NRXN3: variants seen among roughly 807,000 people sequenced by gnomAD.
The protein encoded by NRXN3 is neurexin III.
NRXN3 carries 32 observed loss-of-function variants against 137.6 expected under a neutral mutation model. The observed-to-expected ratio is 0.23, with a 90% CI of 0.18 to 0.31. NRXN3 has a LOEUF of 0.31. NRXN3 is among the 10% of genes least tolerant of loss of function. The probability of loss-of-function intolerance (pLI) is 1.00; values close to 1 mark genes in which losing one functional copy is unlikely to be tolerated. For synonymous variants in NRXN3, 798 were observed against 784.5 expected (o/e 1.02, Z -0.29); for missense variants, 1,574 against 2,062.5 (o/e 0.76, Z 4.59).
intron 4 of NRXN3, among the ~76,000 whole-genome samples, chr14:78,355,055 A>C (rs1028009161): frequency 7.9e-5 from 12 of 152,082 alleles, no homozygotes; most frequent in Non-Finnish European, 1.6e-4. Flanking sequence ...AACCCTCCCC[A>C]CCTTTTGAAA....
intron 4 of NRXN3, among the ~76,000 whole-genome samples, chr14:78,307,028 A>C (rs1261952013): frequency 1.3e-5 from 2 of 152,178 alleles, no homozygotes; most frequent in African/African-American, 4.8e-5. Flanking sequence ...ATTGTTAGGT[A>C]ATCATTTAGT....
intron 8 of NRXN3, among the ~76,000 whole-genome samples, chr14:78,795,352 T>C (rs1417291356): frequency 2.0e-5 from 3 of 152,210 alleles, no homozygotes; most frequent in Non-Finnish European, 4.4e-5. Context: ...ATTGTAAGTA[T>C]TATTATATTG....
At chr14:78,367,655 G>C (rs1432552281) in intron 4 of NRXN3, among the ~76,000 whole-genome samples, 1 of 152,176 alleles carries the variant, frequency 6.6e-6, no homozygotes, top group African/African-American at 2.4e-5. Context: ...CTTTGGGAAG[G>C]ACTTTTTGGG....
intron 11 of NRXN3, among the ~76,000 whole-genome samples, chr14:78,965,470 C>T (rs1268931782): frequency 6.6e-6 from 1 of 151,958 alleles, no homozygotes; most frequent in Non-Finnish European, 1.5e-5. Flanking sequence ...TTTATCCAGT[C>T]CAGGTGGTTG....
At chr14:78,602,618 C>T (rs1372058304) in intron 4 of NRXN3, 1 of 152,234 alleles carries the variant, frequency 6.6e-6, no homozygotes, top group African/African-American at 2.4e-5. Flanking sequence ...TCCAGTCCCG[C>T]AGAGGTCAGT....
At chr14:79,087,873 A>C (rs756695612) in intron 15 of NRXN3, among the ~76,000 whole-genome samples, 1 of 152,216 alleles carries the variant, frequency 6.6e-6, no homozygotes, top group Non-Finnish European at 1.5e-5. Context: ...AGAGAGAATA[A>C]GAAGATGCTT....
chr14:78,748,495 T>A (rs2098624224), intron 8 of NRXN3, among the ~76,000 whole-genome samples: 1 of 152,088 alleles, frequency 6.6e-6, no homozygotes, highest in Admixed American at 6.5e-5. Flanking sequence ...TGAGAAATTA[T>A]TGAAAGAGCT....
At chr14:79,642,229 G>C (rs1348047021) in intron 16 of NRXN3, among the ~76,000 whole-genome samples, 1 of 135,272 alleles carries the variant, frequency 7.4e-6, no homozygotes, top group African/African-American at 2.5e-5. Context: ...AATCAATCAA[G>C]AGCTGACATG....
intron 15 of NRXN3, among the ~76,000 whole-genome samples, chr14:79,229,219 A>T (rs1416198108): frequency 6.6e-6 from 1 of 152,154 alleles, no homozygotes; most frequent in Non-Finnish European, 1.5e-5. Flanking sequence ...TATGTTCTCT[A>T]TTCTCCATTA....
Position 79,697,800 on chromosome 14 carries a change from G to T in NRXN3, c.3877G>T (p.Val1293Phe). ...TAAAATCAATGGAAGTGTTCGGCTG[G>T]TTGGAGAAGTCCCATCAATTTTGGG... ...NIKINGSVRL[V>F]GEVPSILGTT... The change falls in exon 19 of 21, where the codon GTT (valine) becomes TTT (phenylalanine). Residue 1293 changes from valine to phenylalanine, a missense_variant. Around this residue, in one of 5 missense-constraint regions of NRXN3, gnomAD observed 320 missense variants for 387.1 expected, o/e 0.83. Coordinates refer to ENST00000335750, the MANE Select transcript of NRXN3 (RefSeq NM_001330195.2). 2.5e-6 allele frequency: 4 copies of T among 1,613,192 alleles called. No individual in the cohort carries two copies. Among genetic ancestry groups the T allele is most frequent in the Non-Finnish European group, 3.4e-6 (4 of 1,179,466 alleles).
At chr14:78,687,919 A>G (rs1293294681) in intron 6 of NRXN3, among the ~76,000 whole-genome samples, 4 of 152,204 alleles carry the variant, frequency 2.6e-5, no homozygotes, top group Admixed American at 6.5e-5. Context: ...AGCAACACCA[A>G]TGACTCTATA....
intron 4 of NRXN3, among the ~76,000 whole-genome samples, chr14:78,552,938 A>G (rs954320191): frequency 1.2e-4 from 18 of 152,206 alleles, no homozygotes; most frequent in Non-Finnish European, 4.4e-5. Flanking sequence ...ACCTTTATAA[A>G]TTATATCAAT....
intron 19 of NRXN3, among the ~76,000 whole-genome samples, chr14:79,726,534 TG>T (rs1430300694): frequency 1.3e-5 from 2 of 152,124 alleles, no homozygotes; most frequent in Non-Finnish European, 2.9e-5. Context: ...CTCTTTTAAT[TG>T]ATTTGTAAAG....
At chr14:78,383,122 C>T (rs1309802495) in intron 4 of NRXN3, among the ~76,000 whole-genome samples, 1 of 152,166 alleles carries the variant, frequency 6.6e-6, no homozygotes. Context: ...AACCCTCCTA[C>T]AAGTGAATCA....
chr14:79,773,589 G>A (rs1313468597), intron 19 of NRXN3, among the ~76,000 whole-genome samples: 2 of 137,638 alleles, frequency 1.5e-5, no homozygotes, highest in South Asian at 2.4e-4. Context: ...GAGAACACAT[G>A]GACACAGGAA....
intron 8 of NRXN3, among the ~76,000 whole-genome samples, chr14:78,735,404 A>T (rs1341303822): frequency 6.6e-6 from 1 of 152,158 alleles, no homozygotes; most frequent in Non-Finnish European, 1.5e-5. Context: ...AAGGGGAAAT[A>T]ACCCCTGGAG....
At chr14:78,638,261 C>T (rs888400010) in intron 4 of NRXN3, among the ~76,000 whole-genome samples, 4 of 152,116 alleles carry the variant, frequency 2.6e-5, no homozygotes, top group African/African-American at 9.7e-5. Context: ...GGTCAGATTT[C>T]CTGTGTATTT....
intron 16 of NRXN3, among the ~76,000 whole-genome samples, chr14:79,538,116 T>C (rs1304191953): frequency 6.6e-6 from 1 of 152,230 alleles, no homozygotes; most frequent in Non-Finnish European, 1.5e-5. Context: ...GTTCATATCC[T>C]TTGCCCACTT....
intron 15 of NRXN3, among the ~76,000 whole-genome samples, chr14:79,429,312 C>G (rs151006314): frequency 5.9e-5 from 9 of 152,274 alleles, no homozygotes; most frequent in African/African-American, 2.2e-4. Flanking sequence ...GCTCCGTTGT[C>G]TGGCACACAT....
Sources: allele counts gnomAD v4.1 joint callset (sites outside exome capture counted in the v4.1 genomes callset), GRCh38; gene constraint gnomAD v4.1.1; regional missense constraint gnomAD v4.1.1; transcripts MANE v1.5; gene names NCBI Gene and HGNC (gene_info 2026-07-23, HGNC 2026-07-21).